NLRP7: variants seen among roughly 807,000 people sequenced by gnomAD.
The protein encoded by NLRP7 is NACHT, LRR and PYD domains-containing protein 7.
NLRP7 carries 72 observed loss-of-function variants against 85.5 expected under a neutral mutation model. That is an observed-to-expected ratio of 0.84 (90% CI 0.70 to 1.02). The LOEUF is 1.02. Among genes scored for constraint, NLRP7 ranks in the 50% least tolerant of loss-of-function variants. The probability of loss-of-function intolerance (pLI) is 0.00; values close to 1 mark genes in which losing one functional copy is unlikely to be tolerated. For missense variants in NLRP7, 1,243 were observed against 1,219.5 expected, an observed-to-expected ratio of 1.02 and a Z score of -0.29; for synonymous variants, 550 against 505.2, an observed-to-expected ratio of 1.09 and a Z score of -1.19.
rs55704982 is a variant in NLRP7 at position 54,941,381 on chromosome 19, CAAAAAAA to C, written c.277+47_277+53del. Reference sequence around the variant, plus strand: ...TGGGCGACAGAACGAGACTCCATCTCAAAAAAAAAAAAAAAAAAAAAAAAATGACCAG... The same window carrying C: ...TGGGCGACAGAACGAGACTCCATCTCAAAAAAAAAAAAAAAAAATGACCAG... On this transcript the variant is annotated intron_variant, in intron 2 of 9. Transcript: ENST00000340844. 1.9e-4 allele frequency: 133 copies of C among 685,070 alleles called. No homozygotes were observed. The Middle Eastern group carries it at 2.1e-3, about 11-fold the overall frequency. 42.4% of individuals were successfully genotyped at this position (685,070 alleles called of 1,614,324 possible).
intron 1 of NLRP7, among the ~76,000 whole-genome samples, chr19:54,964,286 G>C (rs369387166): frequency 2.3e-5 from 2 of 88,720 alleles, no homozygotes; most frequent in African/African-American, 4.0e-5. Flanking sequence ...GCGCGATCTC[G>C]GCTCACTGCA....
chr19:54,943,506 C>T (rs1602192214), intron 1 of NLRP7, among the ~76,000 whole-genome samples: 2 of 148,796 alleles, frequency 1.3e-5, no homozygotes, highest in African/African-American at 5.0e-5. Context: ...GAGGCTGAGG[C>T]AGGAGAATGG....
chr19:54,947,267 C>T (rs2069515326), intron 1 of NLRP7, among the ~76,000 whole-genome samples: 1 of 151,746 alleles, frequency 6.6e-6, no homozygotes, highest in Non-Finnish European at 1.5e-5. Flanking sequence ...GCGGAGTTTG[C>T]AGCGAACCAA....
intron 1 of NLRP7, among the ~76,000 whole-genome samples, chr19:54,945,242 A>C (rs2069416222): frequency 6.7e-6 from 1 of 148,552 alleles, no homozygotes; most frequent in African/African-American, 2.5e-5. Flanking sequence ...CCCTCTCAAA[A>C]AAAAAAAAAA....
intron 1 of NLRP7, among the ~76,000 whole-genome samples, chr19:54,945,424 C>T (rs1328983084): frequency 1.3e-5 from 2 of 151,066 alleles, no homozygotes; most frequent in Non-Finnish European, 3.0e-5. Flanking sequence ...GTATGCCCCA[C>T]CACACCTAAT....
At chr19:54,958,270 G>T (rs985981859) in intron 1 of NLRP7, among the ~76,000 whole-genome samples, 4 of 151,436 alleles carry the variant, frequency 2.6e-5, no homozygotes, top group African/African-American at 7.4e-5. Flanking sequence ...TGACACTTAG[G>T]AGAAGTAGGG....
At chr19:54,964,449 C>T (rs1024988414) in intron 1 of NLRP7, among the ~76,000 whole-genome samples, 4 of 151,444 alleles carry the variant, frequency 2.6e-5, no homozygotes, top group Admixed American at 2.0e-4. Context: ...ATCTCCTGAC[C>T]TCGTGATCCA....
Position 54,956,134 on chromosome 19 carries a change from A to C in NLRP7, c.-76-8629T>G, listed in dbSNP as rs184208126. On this transcript the variant is annotated intron_variant, in intron 1 of 2. Coordinates refer to the NLRP7 transcript ENST00000587103. ...CAGCCTGGGCAACAGAGGGAGAGAA[A>C]GGAAGGAAGGAGGGAAGGAGGGAAG... Among the ~76,000 whole-genome samples, 1,167 of 137,972 alleles carry C rather than the reference A, an allele frequency of 8.5e-3. 9 individuals are homozygous for C. Among genetic ancestry groups the C allele is most frequent in the Middle Eastern group, 0.032 (9 of 282 alleles). The allele number at this position is 137,972 out of a possible 152,430, so 90.5% of individuals were successfully genotyped here. A position where few individuals can be genotyped will look rare whatever the true frequency, so the allele number is the denominator to read the frequency against.
upstream of NLRP7, among the ~76,000 whole-genome samples, chr19:54,952,322 G>A (rs185661566): frequency 1.6e-4 from 25 of 152,160 alleles, no homozygotes; most frequent in Admixed American, 3.3e-4. Flanking sequence ...GCCGGGTGCA[G>A]AGGCTCACAC....
At position 54,934,976 on chromosome 19, in the gene NLRP7, T is replaced by C. The variant is rs996162441; in HGVS notation, c.2301-317A>G. Among the ~76,000 whole-genome samples the C allele has an allele frequency of 1.3e-5, 2 of 151,960 alleles. No individual in the cohort carries two copies. The highest frequency in any genetic ancestry group is 6.6e-5 in the Admixed American group (1 of 15,246). ...CCTACCGAAGTACTGGGATTACAGG[T>C]GTGAGCCACCGCGCCTGGCCCAGAT... is the stretch of plus-strand genomic sequence containing the variant. On this transcript the variant is annotated intron_variant, in intron 6 of 9. Transcript: ENST00000340844. This position sits in a 1 kb window ranked among gnomAD's most constrained non-coding sequence, Gnocchi z 6.7.
chr19:54,943,587 C>T (rs1254604323), intron 1 of NLRP7, among the ~76,000 whole-genome samples: 6 of 130,698 alleles, frequency 4.6e-5, no homozygotes, highest in South Asian at 2.6e-4. Context: ...GGCGACAGAG[C>T]GAGACTCCGT....
chr19:54,949,994 C>CAG (rs1310918686), upstream of NLRP7, among the ~76,000 whole-genome samples: 1 of 151,758 alleles, frequency 6.6e-6, no homozygotes, highest in African/African-American at 2.4e-5. Context: ...CCCAGCTACT[C>CAG]AGGAGGCTGA....
At position 54,926,205 on chromosome 19, in the gene NLRP7, G is replaced by GGTGTGTGTGTGTGTGTGT. The variant is rs138774910; in HGVS notation, c.2811-2351_2811-2334dup. On this transcript the variant is annotated intron_variant, in intron 9 of 9. Transcript: ENST00000340844. ...CCTATTTTTGGATATAATGATTAGG[G>GGTGTGTGTGTGTGTGTGT]GTGTGTGTGTGTGTGTGTGTGTGCT... 6.3e-4 allele frequency among the ~76,000 whole-genome samples: 91 copies of GGTGTGTGTGTGTGTGTGT among 143,740 alleles called. 1 individual carries two copies. Among genetic ancestry groups the GGTGTGTGTGTGTGTGTGT allele is most frequent in the East Asian group, 2.6e-3 (11 of 4,220 alleles). 94.3% of individuals were successfully genotyped at this position (143,740 alleles called of 152,430 possible). A position where few individuals can be genotyped will look rare whatever the true frequency, so the allele number is the denominator to read the frequency against.
rs376383771 is a variant in NLRP7 at position 54,940,212 on chromosome 19, T to C, written c.607A>G (p.Thr203Ala). The change falls in exon 4 of 10, where the codon ACG becomes GCG. Residue 203 changes from threonine (T) to alanine (A), a missense_variant. Thr to Ala is a moderately conservative substitution (Grantham distance 58). This residue lies in a region of NLRP7 where 591 missense variants were observed against 563.3 expected (regional missense o/e 1.05). Coordinates refer to ENST00000340844, the Ensembl canonical transcript of NLRP7. Reference sequence around the variant, plus strand: ...CTGAGGTAGAACGCGTATCTGAGCGTCGGGCTGAGGTTGCAGTCTGTCCAG... The same window carrying C: ...CTGAGGTAGAACGCGTATCTGAGCGCCGGGCTGAGGTTGCAGTCTGTCCAG... The C allele has an allele frequency of 4.3e-6, 7 of 1,614,038 alleles. No individual in the cohort carries two copies. The highest frequency in any genetic ancestry group is 5.9e-6 in the Non-Finnish European group (7 of 1,180,034).
At chr19:54,960,811 G>A (rs1256571514) in intron 1 of NLRP7, among the ~76,000 whole-genome samples, 1 of 151,244 alleles carries the variant, frequency 6.6e-6, no homozygotes, top group Non-Finnish European at 1.5e-5. Flanking sequence ...TAGCCAGGAT[G>A]GTCTCGATCT....
chr19:54,962,791 G>A (rs1287664712), intron 1 of NLRP7, among the ~76,000 whole-genome samples: 2 of 150,004 alleles, frequency 1.3e-5, no homozygotes, highest in South Asian at 2.1e-4. Flanking sequence ...AGTAGAGACG[G>A]GGTTTCACCG....
chr19:54,949,607 T>C (rs2069605891), upstream of NLRP7, among the ~76,000 whole-genome samples: 1 of 152,004 alleles, frequency 6.6e-6, no homozygotes, highest in African/African-American at 2.4e-5. Context: ...AGGTGACTTT[T>C]GGAAAGCCCC....
chr19:54,931,768 T>A (rs1206195725), intron 8 of NLRP7, among the ~76,000 whole-genome samples: 2 of 151,848 alleles, frequency 1.3e-5, no homozygotes, highest in Non-Finnish European at 2.9e-5. Context: ...GAGAATTACT[T>A]GAACCCAGGA....
chr19:54,929,689 G>T (rs889905143), intron 9 of NLRP7, among the ~76,000 whole-genome samples: 2 of 152,112 alleles, frequency 1.3e-5, no homozygotes. Flanking sequence ...GTCACTGGGG[G>T]CCATTGTTAT....
Sources: gnomAD v4.1 joint callset for allele counts (sites outside exome capture counted in the v4.1 genomes callset) on GRCh38, gnomAD v4.1.1 for gene constraint, gnomAD v4.1.1 regional missense constraint, Gnocchi (gnomAD v3.1) non-coding constraint, MANE v1.5 for transcripts, NCBI Gene and HGNC (gene_info 2026-07-23, HGNC 2026-07-21) for gene names.